Variants in TRAPPC9 observed in about 807,000 individuals in gnomAD.
TRAPPC9 encodes trafficking protein particle complex subunit 9.
Under a neutral mutation model 124.0 loss-of-function variants are expected in TRAPPC9, and 83 were observed. The observed-to-expected ratio is 0.67, with a 90% CI of 0.56 to 0.80. The LOEUF (loss-of-function observed/expected upper bound fraction) is 0.80. TRAPPC9 is among the 30% of genes least tolerant of loss of function. TRAPPC9 has a pLI of 0.00. For missense variants in TRAPPC9, 1,302 were observed against 1,508.3 expected, an observed-to-expected ratio of 0.86 and a Z score of 2.27; for synonymous variants, 638 against 617.5, an observed-to-expected ratio of 1.03 and a Z score of -0.49.
At chr8:139,979,725 C>T (rs1287255108) in intron 19 of TRAPPC9, among the ~76,000 whole-genome samples, 1 of 152,092 alleles carries the variant, frequency 6.6e-6, no homozygotes, top group Non-Finnish European at 1.5e-5. Context: ...GACAGGACAG[C>T]GCCCCTCACA....
At chr8:139,947,379 T>C (rs1182352540) in intron 19 of TRAPPC9, among the ~76,000 whole-genome samples, 4 of 152,148 alleles carry the variant, frequency 2.6e-5, no homozygotes, top group South Asian at 2.1e-4. Flanking sequence ...CAATGCTGTA[T>C]TACTCAGCCG....
intron 21 of TRAPPC9, among the ~76,000 whole-genome samples, chr8:139,816,081 G>A (rs1181661416): frequency 6.6e-6 from 1 of 152,246 alleles, no homozygotes; most frequent in African/African-American, 2.4e-5. Context: ...TTTGGCAGAT[G>A]CTATGGTTGG....
chr8:140,107,484 G>T (rs1041238105), intron 17 of TRAPPC9, among the ~76,000 whole-genome samples: 6 of 152,230 alleles, frequency 3.9e-5, no homozygotes, highest in Non-Finnish European at 7.3e-5. Context: ...AACTGTCATT[G>T]TAAGAGAACC....
intron 5 of TRAPPC9, among the ~76,000 whole-genome samples, chr8:140,414,053 T>C (rs2069810482): frequency 6.6e-6 from 1 of 152,054 alleles, no homozygotes; most frequent in South Asian, 2.1e-4. Context: ...TGAAGGAAGG[T>C]CTGATTCTTT....
intron 1 of TRAPPC9, chr8:140,456,711 A>C (rs755114521): frequency 1.2e-5 from 9 of 777,952 alleles, no homozygotes; most frequent in Non-Finnish European, 1.4e-5. Context: ...AAGATGTCAT[A>C]GGTAGCTATG....
intron 10 of TRAPPC9, among the ~76,000 whole-genome samples, chr8:140,304,473 G>T (rs2131845420): frequency 6.6e-6 from 1 of 152,146 alleles, no homozygotes; most frequent in East Asian, 1.9e-4. Flanking sequence ...GATATATGAA[G>T]ACAGTCCCGG....
At chr8:140,006,704 C>T (rs1027469512) in intron 18 of TRAPPC9, among the ~76,000 whole-genome samples, 36 of 152,104 alleles carry the variant, frequency 2.4e-4, no homozygotes, top group African/African-American at 8.5e-4. Context: ...ATCTTGAAAA[C>T]AACACACCAA....
rs553868086 is a variant in TRAPPC9 at position 139,984,981 on chromosome 8, C to A, written c.2810+3745G>T. Among the ~76,000 whole-genome samples, 1 of 152,314 alleles carries A rather than the reference C, an allele frequency of 6.6e-6. No homozygotes were observed. The highest frequency in any genetic ancestry group is 2.4e-5 in the African/African-American group (1 of 41,576). ...CTTGTCCCAATGTGTTGCCAATCCC[C>A]AGCGAGGAGGGGCCCTTATTTATTC... On this transcript the variant is annotated intron_variant, in intron 19 of 22. Coordinates refer to ENST00000438773, the MANE Select transcript of TRAPPC9 (RefSeq NM_001160372.4). This position sits in a 1 kb window ranked among gnomAD's most constrained non-coding sequence, Gnocchi z 4.3.
At chr8:140,101,568 G>A (rs1443878251) in intron 17 of TRAPPC9, among the ~76,000 whole-genome samples, 11 of 79,954 alleles carry the variant, frequency 1.4e-4, no homozygotes, top group Non-Finnish European at 2.5e-4. Context: ...TTGAGACGTA[G>A]TTTTGGTCTT....
At chr8:139,946,000 C>T (rs1360492152) in intron 19 of TRAPPC9, among the ~76,000 whole-genome samples, 2 of 152,190 alleles carry the variant, frequency 1.3e-5, no homozygotes, top group Non-Finnish European at 2.9e-5. Context: ...GTTTAAAAAT[C>T]TTTACAATTA....
chr8:140,013,795 G>T (rs922923744), intron 18 of TRAPPC9, among the ~76,000 whole-genome samples: 1 of 152,126 alleles, frequency 6.6e-6, no homozygotes, highest in Non-Finnish European at 1.5e-5. Flanking sequence ...TAATTTTTCA[G>T]ACACTTTATA....
intron 21 of TRAPPC9, among the ~76,000 whole-genome samples, chr8:139,753,368 A>G (rs1262854504): frequency 6.6e-6 from 1 of 150,722 alleles, no homozygotes; most frequent in East Asian, 2.0e-4. Flanking sequence ...TCATCCATCA[A>G]CAACTACCCA....
At chr8:140,158,641 T>C (rs1333436342) in intron 17 of TRAPPC9, among the ~76,000 whole-genome samples, 3 of 152,278 alleles carry the variant, frequency 2.0e-5, no homozygotes, top group East Asian at 1.9e-4. Context: ...TTTAAAATTA[T>C]GTTACTTCTA....
In TRAPPC9 at chr8:139,742,253, C is replaced by T. The variant is rs564338580; in HGVS notation, c.3056-10051G>A. 5.3e-5 allele frequency among the ~76,000 whole-genome samples: 8 copies of T among 152,270 alleles called. No individual in the cohort carries two copies. Among genetic ancestry groups the T allele is most frequent in the South Asian group, 4.1e-4 (2 of 4,822 alleles). The stretch of plus-strand genomic sequence containing the variant: ...GCTGCGGTTCTCACGTGCGTTCTCC[C>T]GATCTACCCCCAACCGGCCATGCTG... On this transcript the variant is annotated intron_variant, in intron 21 of 22. Coordinates refer to ENST00000438773, the MANE Select transcript of TRAPPC9 (RefSeq NM_001160372.4). The surrounding 1 kb of genome is among the most constrained non-coding windows in gnomAD (Gnocchi z 4.7).
chr8:139,825,213 G>A lies in TRAPPC9; in HGVS notation c.3055+60666C>T, dbSNP rs1215175225. 3.9e-5 allele frequency among the ~76,000 whole-genome samples: 6 copies of A among 152,222 alleles called. No homozygotes were observed. Among genetic ancestry groups the A allele is most frequent in the Non-Finnish European group, 5.9e-5 (4 of 68,032 alleles). On this transcript the variant is annotated intron_variant, in intron 21 of 22. Coordinates refer to ENST00000438773, the MANE Select transcript of TRAPPC9 (RefSeq NM_001160372.4). The surrounding 1 kb of genome is among the most constrained non-coding windows in gnomAD (Gnocchi z 4.6). ...CTCAAGGCAGAGCTAGAGCCCAACAGGGCAGCCCACGCAGGGTGGGCAGAG... is the reference window on the plus strand; with the variant it reads ...CTCAAGGCAGAGCTAGAGCCCAACAAGGCAGCCCACGCAGGGTGGGCAGAG...
At chr8:140,164,663 TCTCCTGGGCCTCC>T (rs2061803280) in intron 17 of TRAPPC9, among the ~76,000 whole-genome samples, 1 of 152,128 alleles carries the variant, frequency 6.6e-6, no homozygotes, top group South Asian at 2.1e-4. Context: ...CTAGGCATGG[TCTCCTGGGCCTCC>T]GTGCAGCACA....
chr8:139,894,791 C>T (rs376182489), intron 20 of TRAPPC9, among the ~76,000 whole-genome samples: 31 of 152,316 alleles, frequency 2.0e-4, no homozygotes, highest in African/African-American at 6.3e-4. Context: ...TGTCATCTCA[C>T]GGCCCTCATG....
At chr8:140,432,703 T>C (rs1408141141) in intron 4 of TRAPPC9, among the ~76,000 whole-genome samples, 2 of 152,008 alleles carry the variant, frequency 1.3e-5, no homozygotes, top group African/African-American at 4.8e-5. Context: ...AAATCCTGTC[T>C]CTACTAAAAA....
At chr8:139,809,050 T>C (rs915657872) in intron 21 of TRAPPC9, among the ~76,000 whole-genome samples, 1 of 152,234 alleles carries the variant, frequency 6.6e-6, no homozygotes. Context: ...GGTTCCAACA[T>C]GGATTAACAC....
Sources: allele counts gnomAD v4.1 joint callset (sites outside exome capture counted in the v4.1 genomes callset), GRCh38; gene constraint gnomAD v4.1.1; non-coding constraint Gnocchi (gnomAD v3.1); transcripts MANE v1.5; gene names NCBI Gene and HGNC (gene_info 2026-07-23, HGNC 2026-07-21).